The following PKHD1 variants were observed in gnomAD, a reference collection of about 807,000 sequenced individuals.
PKHD1 encodes the protein fibrocystin.
In PKHD1, 291 loss-of-function variants were observed where a neutral mutation model predicts 412.0. That is an observed-to-expected ratio of 0.71 (90% confidence interval 0.64 to 0.78). PKHD1 has a LOEUF of 0.78. PKHD1 is among the 30% of genes least tolerant of loss of function. The pLI is 0.00. For missense variants in PKHD1, 4,825 were observed against 4,950.7 expected (o/e 0.97, Z 0.76); for synonymous variants, 1,777 against 1,821.5 (o/e 0.98, Z 0.62).
rs1808150978 is a variant in PKHD1, at chr6:52,058,531, C to T, written c.1304G>A (p.Gly435Glu). Residue 435 changes from glycine (G) to glutamate (E), a missense_variant, in exon 16 of 67, where the codon GGG (glycine) becomes GAG (glutamate). Physicochemically the swap from Gly to Glu is moderately conservative, Grantham distance 98. Coordinates refer to ENST00000371117, the MANE Select transcript of PKHD1 (RefSeq NM_138694.4). ...FDSWEQNRDE[G>E]TWQQKTPKLE... ...CTTGGGAGTCTTCTGCTGCCAGGTC[C>T]CTTCATCCCTATTCTGCTCCCAGGA... 1 of 1,614,070 alleles carries T rather than the reference C, an allele frequency of 6.2e-7. No homozygotes were observed. Among genetic ancestry groups the T allele is most frequent in the Admixed American group, 1.7e-5 (1 of 60,010 alleles).
At chr6:52,065,136 TA>T in intron 12 of PKHD1, 86 bp from the exon 13 acceptor site, 1 of 54,478 alleles carries the variant, frequency 1.8e-5, no homozygotes, top group Admixed American at 2.6e-4. Flanking sequence ...TGTATAATTA[TA>T]TATATATATA....
At chr6:52,052,074 G>T (rs1229746960) in intron 21 of PKHD1, among the ~76,000 whole-genome samples, 1 of 152,150 alleles carries the variant, frequency 6.6e-6, no homozygotes. Flanking sequence ...CCTGCCTTCA[G>T]TACTGCAATG....
chr6:51,711,908 T>C (rs1780703636), intron 60 of PKHD1, among the ~76,000 whole-genome samples: 2 of 152,326 alleles, frequency 1.3e-5, no homozygotes, highest in South Asian at 4.1e-4. Flanking sequence ...GTATTTTCCT[T>C]GCATTTGAGC....
At chr6:51,935,933 G>C (rs991051572) in intron 36 of PKHD1, among the ~76,000 whole-genome samples, 2 of 152,030 alleles carry the variant, frequency 1.3e-5, no homozygotes, top group Non-Finnish European at 2.9e-5. Context: ...TCTCACCAAG[G>C]CCTTCCCTCT....
At chr6:51,628,116 G>T (rs1767504763) in intron 65 of PKHD1, among the ~76,000 whole-genome samples, 1 of 152,114 alleles carries the variant, frequency 6.6e-6, no homozygotes, top group Non-Finnish European at 1.5e-5. Flanking sequence ...TACATGTACA[G>T]GTTTGTTACA....
At chr6:51,771,617 A>G (rs1301620509) in intron 55 of PKHD1, among the ~76,000 whole-genome samples, 2 of 122,970 alleles carry the variant, frequency 1.6e-5, no homozygotes, top group Non-Finnish European at 3.7e-5. Flanking sequence ...AGACTGTGTC[A>G]AAAAAAAAAA....
At chr6:51,818,735 T>C (rs1416676478) in intron 52 of PKHD1, among the ~76,000 whole-genome samples, 1 of 152,226 alleles carries the variant, frequency 6.6e-6, no homozygotes, top group East Asian at 1.9e-4. Context: ...TATTAAGATG[T>C]AAACAGAAGT....
intron 52 of PKHD1, among the ~76,000 whole-genome samples, chr6:51,806,181 A>G (rs1290248295): frequency 6.6e-6 from 1 of 151,842 alleles, no homozygotes; most frequent in Non-Finnish European, 1.5e-5. Context: ...TATGTAACTA[A>G]CCTGCACATT....
At chr6:51,893,170 C>T (rs1779370824) in intron 43 of PKHD1, among the ~76,000 whole-genome samples, 1 of 152,148 alleles carries the variant, frequency 6.6e-6, no homozygotes, top group Non-Finnish European at 1.5e-5. Flanking sequence ...GTCCACACAG[C>T]TCTATTTCAT....
intron 52 of PKHD1, 119 bp from the exon 53 acceptor site, chr6:51,791,492 T>G (rs1793743724): frequency 1.2e-6 from 1 of 856,404 alleles, no homozygotes; most frequent in Non-Finnish European, 1.9e-6. Flanking sequence ...AGGACAGGTA[T>G]AGCAACTGGA....
At chr6:51,898,080 C>G (rs1296592179) in intron 43 of PKHD1, among the ~76,000 whole-genome samples, 4 of 150,578 alleles carry the variant, frequency 2.7e-5, no homozygotes, top group South Asian at 2.1e-4. Context: ...CTTTAACACC[C>G]CACTGTCAAC....
intron 55 of PKHD1, among the ~76,000 whole-genome samples, chr6:51,763,834 T>C (rs1788457041): frequency 6.6e-6 from 1 of 152,094 alleles, no homozygotes; most frequent in Non-Finnish European, 1.5e-5. Flanking sequence ...GTCTACATTC[T>C]GCCTACAATA....
chr6:51,836,932 C>G (rs1769337846), intron 50 of PKHD1, among the ~76,000 whole-genome samples: 1 of 152,104 alleles, frequency 6.6e-6, no homozygotes, highest in South Asian at 2.1e-4. Context: ...TTTTCCCCAC[C>G]CCCTATCCTC....
intron 35 of PKHD1, among the ~76,000 whole-genome samples, chr6:51,969,481 G>A (rs546875246): frequency 5.9e-5 from 9 of 152,206 alleles, no homozygotes; most frequent in South Asian, 2.1e-4. Flanking sequence ...GGTAAAGTCC[G>A]GGCTTTTAGT....
intron 60 of PKHD1, among the ~76,000 whole-genome samples, chr6:51,666,946 G>A (rs1378859206): frequency 6.6e-6 from 1 of 151,088 alleles, no homozygotes; most frequent in East Asian, 1.9e-4. Context: ...GTCTATCATT[G>A]TTGGACATTT....
At chr6:51,692,882 G>T (rs1223976943) in intron 60 of PKHD1, among the ~76,000 whole-genome samples, 1 of 151,994 alleles carries the variant, frequency 6.6e-6, no homozygotes, top group Non-Finnish European at 1.5e-5. Context: ...TGTTATTAGA[G>T]GCCTTTATTT....
chr6:51,774,381 C>T (rs908580755), intron 54 of PKHD1, among the ~76,000 whole-genome samples: 1 of 151,892 alleles, frequency 6.6e-6, no homozygotes, highest in Non-Finnish European at 1.5e-5. Context: ...CAGCCAGGAT[C>T]GGGGATCAGA....
intron 39 of PKHD1, among the ~76,000 whole-genome samples, chr6:51,909,839 G>T (rs1459189927): frequency 6.6e-6 from 1 of 152,138 alleles, no homozygotes; most frequent in African/African-American, 2.4e-5. Flanking sequence ...GTTGATAATT[G>T]TAGGAAAGAC....
intron 52 of PKHD1, among the ~76,000 whole-genome samples, chr6:51,791,751 G>C (rs915011200): frequency 6.6e-6 from 1 of 152,174 alleles, no homozygotes; most frequent in East Asian, 1.9e-4. Context: ...ATTGGCCTCT[G>C]AGGGAAGACT....
Sources: gnomAD v4.1 joint callset for allele counts (sites outside exome capture counted in the v4.1 genomes callset) on GRCh38, gnomAD v4.1.1 for gene constraint, MANE v1.5 for transcripts, NCBI Gene and HGNC (gene_info 2026-07-23, HGNC 2026-07-21) for gene names.